The following TMEM11 variants were observed in gnomAD, a reference collection of about 807,000 sequenced individuals.
TMEM11 encodes transmembrane protein 11, mitochondrial.
A neutral mutation model predicts 17.0 loss-of-function variants in TMEM11; 1 was observed. That is an observed-to-expected ratio of 0.06 (90% CI 0.02 to 0.28). TMEM11 has a LOEUF of 0.28. TMEM11 is among the 10% of genes least tolerant of loss of function. The pLI is 1.00. For missense variants in TMEM11, 172 were observed against 252.9 expected (o/e 0.68, Z 2.17); for synonymous variants, 122 against 118.1 (o/e 1.03, Z -0.21).
At chr17:21,209,910 A>T (rs1863295780) in intron 1 of TMEM11, among the ~76,000 whole-genome samples, 2 of 152,212 alleles carry the variant, frequency 1.3e-5, no homozygotes, top group South Asian at 2.1e-4. Flanking sequence ...AACTGTTATG[A>T]CTACTACATG....
At chr17:21,204,034 A>G (rs1397683322) in intron 1 of TMEM11, among the ~76,000 whole-genome samples, 2 of 118,172 alleles carry the variant, frequency 1.7e-5, no homozygotes, top group Non-Finnish European at 3.3e-5. Context: ...GAATCTTTTG[A>G]GCCCTGGGCT....
In TMEM11 at chr17:21,198,946, T is replaced by C; in HGVS notation, c.63-106A>G. On this transcript the variant is annotated intron_variant, in intron 1 of 1. Coordinates refer to ENST00000317635, the MANE Select transcript of TMEM11 (RefSeq NM_003876.3). The surrounding 1 kb of genome is among the most constrained non-coding windows in gnomAD (Gnocchi z 6.5). ...CGCTGGGGGAGGTCTGAGCCTGCAC[T>C]GCGGAGAGCACATCTCACTTGGGTC... 1 of 1,240,122 alleles carries C rather than the reference T, an allele frequency of 8.1e-7. No homozygotes were observed. Among genetic ancestry groups the C allele is most frequent in the Non-Finnish European group, 1.1e-6 (1 of 903,566 alleles). The allele number at this position is 1,240,122 out of a possible 1,614,324, so 76.8% of individuals were successfully genotyped here.
At chr17:21,199,885 T>C (rs1974864421) in intron 1 of TMEM11, among the ~76,000 whole-genome samples, 1 of 152,106 alleles carries the variant, frequency 6.6e-6, no homozygotes, top group African/African-American at 2.4e-5. Context: ...AGTAGTGGGC[T>C]CCAAATTTAG....
At chr17:21,207,967 T>C (rs1974960797) in intron 1 of TMEM11, among the ~76,000 whole-genome samples, 1 of 147,692 alleles carries the variant, frequency 6.8e-6, no homozygotes, top group Non-Finnish European at 1.5e-5. Context: ...TTCTTCATGC[T>C]TTTCTATATT....
intron 1 of TMEM11, among the ~76,000 whole-genome samples, chr17:21,211,809 C>T (rs562321804): frequency 2.6e-5 from 4 of 152,320 alleles, no homozygotes; most frequent in African/African-American, 7.2e-5. Flanking sequence ...TGAGCAGCAA[C>T]GGGAGAGAGC....
chr17:21,200,330 A>G (rs531017071), intron 1 of TMEM11, among the ~76,000 whole-genome samples: 1 of 152,244 alleles, frequency 6.6e-6, no homozygotes, highest in Non-Finnish European at 1.5e-5. Flanking sequence ...GCTGAGACAG[A>G]TCTCTCTGAA....
intron 1 of TMEM11, among the ~76,000 whole-genome samples, chr17:21,202,690 G>A (rs1333388739): frequency 2.0e-5 from 3 of 152,306 alleles, no homozygotes; most frequent in Middle Eastern, 6.8e-3. Context: ...TGGAAGCAGC[G>A]AGAAGCCAAG....
rs1264874219 is a variant in TMEM11, at chr17:21,213,998, GGGAA to G, written c.62+89_62+92del. The G allele has an allele frequency of 4.0e-6, 5 of 1,235,342 alleles. No individual in the cohort carries two copies. In the African/African-American group the frequency reaches 6.1e-5, roughly 15 times the overall value. The allele number at this position is 1,235,342 out of a possible 1,614,324, so 76.5% of individuals were successfully genotyped here. On this transcript the variant is annotated intron_variant, in intron 1 of 1. Transcript: ENST00000317635. The stretch of plus-strand genomic sequence containing the variant: ...GGGTAGGGGGAGCGCGGGGAAACCA[GGGAA>G]GGAAGGCTGCTGCAGCCCTCGGAGG...
At chr17:21,209,088 GCC>G (rs879848579) in intron 1 of TMEM11, among the ~76,000 whole-genome samples, 4 of 152,248 alleles carry the variant, frequency 2.6e-5, no homozygotes, top group Non-Finnish European at 5.9e-5. Flanking sequence ...CGGGCATGCG[GCC>G]CCATGGCCTG....
chr17:21,214,142 C>G lies in TMEM11; in HGVS notation c.11G>C (p.Trp4Ser). 1.2e-6 allele frequency: 2 copies of G among 1,612,522 alleles called. No homozygotes were observed. The highest frequency in any genetic ancestry group is 1.1e-5 in the South Asian group (1 of 90,928). ...GCCCGGGCCAAGACGCCTCCTTCCC[C>G]AAGCGGCCATCTTGGAGACACTCTG... MAA[W>S]GRRRLGPGSS... is the part of the protein sequence containing the mutation. The change falls in exon 1 of 2, where the codon TGG (tryptophan) becomes TCG (serine). Residue 4 changes from tryptophan (W) to serine (S), a missense_variant. By Grantham distance (177) the Trp-to-Ser change is radical. This residue lies in a region of TMEM11 where 49 missense variants were observed against 39.3 expected (regional missense o/e 1.25). Coordinates refer to ENST00000317635, the MANE Select transcript of TMEM11 (RefSeq NM_003876.3).
intron 1 of TMEM11, among the ~76,000 whole-genome samples, chr17:21,210,433 C>A (rs12450590): frequency 0.4 from 61,455 of 151,868 alleles, 13,422 homozygotes; most frequent in Non-Finnish European, 0.49. Context: ...CTCATCCCAG[C>A]CAGAAGGAAA....
intron 1 of TMEM11, among the ~76,000 whole-genome samples, chr17:21,204,921 T>C (rs527835132): frequency 6.6e-6 from 1 of 152,212 alleles, no homozygotes; most frequent in African/African-American, 2.4e-5. Context: ...CTGCAGACAC[T>C]GAATGGGACC....
chr17:21,211,114 C>T, intron 1 of TMEM11: 1 of 1,289,838 alleles, frequency 7.8e-7, no homozygotes, highest in Non-Finnish European at 1.0e-6. Context: ...AAGACGCCGA[C>T]AGGACAAGTG....
chr17:21,198,952 G>T lies in TMEM11; in HGVS notation c.63-112C>A. ...GGGAGGTCTGAGCCTGCACTGCGGA[G>T]AGCACATCTCACTTGGGTCCTCATC... is the stretch of plus-strand genomic sequence containing the variant. On this transcript the variant is annotated intron_variant, in intron 1 of 1. Coordinates refer to ENST00000317635, the MANE Select transcript of TMEM11 (RefSeq NM_003876.3). The surrounding 1 kb of genome is among the most constrained non-coding windows in gnomAD (Gnocchi z 6.5). 1 of 1,168,368 alleles carries T rather than the reference G, an allele frequency of 8.6e-7. No individual in the cohort carries two copies. The highest frequency in any genetic ancestry group is 1.2e-6 in the Non-Finnish European group (1 of 841,746). 72.4% of individuals were successfully genotyped at this position (1,168,368 alleles called of 1,614,324 possible). A position where few individuals can be genotyped will look rare whatever the true frequency, so the allele number is the denominator to read the frequency against.
At chr17:21,201,705 T>C (rs985858381) in intron 1 of TMEM11, among the ~76,000 whole-genome samples, 2 of 152,074 alleles carry the variant, frequency 1.3e-5, no homozygotes, top group Admixed American at 1.3e-4. Context: ...GATGGCAGCC[T>C]CGACCTCCCG....
intron 1 of TMEM11, among the ~76,000 whole-genome samples, chr17:21,207,564 A>G (rs1339131173): frequency 1.3e-5 from 2 of 150,448 alleles, no homozygotes; most frequent in Non-Finnish European, 3.0e-5. Flanking sequence ...GGCAAGATAT[A>G]TAAGACAAAG....
chr17:21,214,113 T>G lies in TMEM11; in HGVS notation c.40A>C (p.Ser14Arg), dbSNP rs1163031838. The G allele has an allele frequency of 6.2e-7, 1 of 1,611,870 alleles. No individual in the cohort carries two copies. The highest frequency in any genetic ancestry group is 2.2e-5 in the East Asian group (1 of 44,838). Reference protein sequence around the residue: ...WGRRRLGPGSSGGSARERVSL... With the variant: ...WGRRRLGPGSRGGSARERVSL... ...CACCTCTCTCGGGCGCTGCCGCCAC[T>G]GCTGCCCGGGCCAAGACGCCTCCTT... The change falls in exon 1 of 2, where the codon AGT becomes CGT. Residue 14 changes from serine (S) to arginine (R), a missense_variant. Physicochemically the swap from Ser to Arg is moderately radical, Grantham distance 110. Around this residue, in one of 2 missense-constraint regions of TMEM11, gnomAD observed 49 missense variants for 39.3 expected, o/e 1.25. Transcript: ENST00000317635.
At position 21,198,592 on chromosome 17, in the gene TMEM11, G is replaced by A. The variant is rs1327715681; in HGVS notation, c.311C>T (p.Ser104Phe). 6.2e-7 allele frequency: 1 copy of A among 1,613,894 alleles called. No individual in the cohort carries two copies. The highest frequency in any genetic ancestry group is 8.5e-7 in the Non-Finnish European group (1 of 1,179,914). Residue 104 changes from serine to phenylalanine, a missense_variant, in exon 2 of 2, where the codon TCC becomes TTC. Around this residue, in one of 2 missense-constraint regions of TMEM11, gnomAD observed 123 missense variants for 213.6 expected, o/e 0.58. Transcript: ENST00000317635. The surrounding 1 kb of genome is among the most constrained non-coding windows in gnomAD (Gnocchi z 6.5). ...FTPLALPLDY[S>F]HYISLPAGVL... ...ACCAGCGGGCAGGGAAATGTAGTGG[G>A]AATAATCTAAGGGCAGCGCCAACGG... is the stretch of plus-strand genomic sequence containing the variant.
chr17:21,198,148 T>TA lies in TMEM11; in HGVS notation c.*175dup. ...TCTTGGGTTATGGAAATCCACATCT[T>TA]AGTGTAATGAGCTGAAAAACCCTGG... On this transcript the variant is annotated 3_prime_UTR_variant, in exon 2 of 2. Transcript: ENST00000317635. The surrounding 1 kb of genome is among the most constrained non-coding windows in gnomAD (Gnocchi z 6.5). 4 of 760,664 alleles carry TA rather than the reference T, an allele frequency of 5.3e-6. No individual in the cohort carries two copies. The South Asian group carries it at 7.9e-5, about 15-fold the overall frequency. The allele number at this position is 760,664 out of a possible 1,614,324, so 47.1% of individuals were successfully genotyped here.
Sources: gnomAD v4.1 joint callset for allele counts (sites outside exome capture counted in the v4.1 genomes callset) on GRCh38, gnomAD v4.1.1 for gene constraint, gnomAD v4.1.1 regional missense constraint, Gnocchi (gnomAD v3.1) non-coding constraint, MANE v1.5 for transcripts, NCBI Gene and HGNC (gene_info 2026-07-23, HGNC 2026-07-21) for gene names.